Variants in PARD3B observed in about 807,000 individuals in gnomAD.
PARD3B encodes par-3 family cell polarity regulator beta, also known as partitioning defective 3 homolog B.
In PARD3B, 103 loss-of-function variants were observed where a neutral mutation model predicts 130.2. That is an observed-to-expected ratio of 0.79 (90% CI 0.67 to 0.93). PARD3B has a LOEUF of 0.93. Ranked by LOEUF, PARD3B falls within the 40% of genes least tolerant of loss-of-function variation. PARD3B has a pLI of 0.00. For synonymous variants in PARD3B, 583 were observed against 553.2 expected (o/e 1.05, Z -0.76); for missense variants, 1,609 against 1,499.2 (o/e 1.07, Z -1.21).
At chr2:205,279,826 C>A (rs532130035) in intron 16 of PARD3B, among the ~76,000 whole-genome samples, 3 of 152,150 alleles carry the variant, frequency 2.0e-5, no homozygotes, top group Non-Finnish European at 4.4e-5. Context: ...GAGAGAGGCA[C>A]GTTCTGGGAA....
rs186119079 is a variant in PARD3B, at chr2:205,442,588, G to A, written c.3044+1916G>A. Among the ~76,000 whole-genome samples, 299 of 152,156 alleles carry A rather than the reference G, an allele frequency of 2.0e-3. 3 individuals are homozygous for A. The highest frequency in any genetic ancestry group is 6.9e-3 in the African/African-American group (286 of 41,524). Reference sequence around the variant, plus strand: ...AGTGCTGGGATTTGAGGCATAAGCCGCCGGGCCTGGGAAGAACGGGTTTTC... The same window carrying A: ...AGTGCTGGGATTTGAGGCATAAGCCACCGGGCCTGGGAAGAACGGGTTTTC... On this transcript the variant is annotated intron_variant, in intron 20 of 22. Transcript: ENST00000406610.
At chr2:205,089,766 A>G (rs1195858667) in intron 4 of PARD3B, among the ~76,000 whole-genome samples, 1 of 152,224 alleles carries the variant, frequency 6.6e-6, no homozygotes, top group Non-Finnish European at 1.5e-5. Flanking sequence ...CCTAACCATT[A>G]CTGTTTCTGT....
At chr2:205,038,827 C>T (rs1698188587) in intron 3 of PARD3B, among the ~76,000 whole-genome samples, 1 of 152,158 alleles carries the variant, frequency 6.6e-6, no homozygotes, top group Non-Finnish European at 1.5e-5. Context: ...TGTCAGTTGA[C>T]TTGAACTTCC....
In PARD3B at chr2:205,176,666, G is replaced by A. The variant is rs1374591422; in HGVS notation, c.1924+89G>A. 3.1e-6 allele frequency: 4 copies of A among 1,304,592 alleles called. No individual in the cohort carries two copies. The East Asian group carries it at 1.1e-4, about 35-fold the overall frequency. The allele number at this position is 1,304,592 out of a possible 1,614,324, so 80.8% of individuals were successfully genotyped here. A position where few individuals can be genotyped will look rare whatever the true frequency, so the allele number is the denominator to read the frequency against. ...CTAAAAAAAAAAAAAAAGAGTAAAGGGGAGTTAATTAGACTAAGTGCAGAC... is the reference window on the plus strand; with the variant it reads ...CTAAAAAAAAAAAAAAAGAGTAAAGAGGAGTTAATTAGACTAAGTGCAGAC... On this transcript the variant is annotated intron_variant, in intron 13 of 22. Transcript: ENST00000406610. This position sits in a 1 kb window ranked among gnomAD's most constrained non-coding sequence, Gnocchi z 5.3.
rs1318950635 is a variant in PARD3B, at chr2:204,915,069, C to T, written c.223-50083C>T. Among the ~76,000 whole-genome samples the T allele has an allele frequency of 2.6e-5, 4 of 152,124 alleles. No individual in the cohort carries two copies. In the South Asian group the frequency reaches 6.2e-4, roughly 24 times the overall value. ...GGGAGGAGGACAGAGAAAATTGTTC[C>T]GCTGTTAATCTGCACCCTTACTGTA... is the stretch of plus-strand genomic sequence containing the variant. On this transcript the variant is annotated intron_variant, in intron 2 of 22. Coordinates refer to ENST00000406610, the MANE Select transcript of PARD3B (RefSeq NM_001302769.2).
chr2:204,780,656 C>T (rs890311164), intron 2 of PARD3B, among the ~76,000 whole-genome samples: 4 of 152,030 alleles, frequency 2.6e-5, no homozygotes, highest in East Asian at 1.9e-4. Context: ...TTAAGACTGC[C>T]ATTTGGTACA....
intron 18 of PARD3B, among the ~76,000 whole-genome samples, chr2:205,376,909 G>A (rs192758815): frequency 2.6e-5 from 4 of 152,208 alleles, no homozygotes; most frequent in Admixed American, 1.3e-4. Context: ...GTTTGTTGCC[G>A]TGTTTTGTTT....
intron 2 of PARD3B, among the ~76,000 whole-genome samples, chr2:204,707,643 C>T (rs1471256374): frequency 3.9e-5 from 6 of 151,974 alleles, no homozygotes; most frequent in African/African-American, 1.2e-4. Flanking sequence ...AACCTTTGTA[C>T]TGTATTTTCC....
chr2:205,593,618 C>T (rs988362215), intron 22 of PARD3B, among the ~76,000 whole-genome samples: 3 of 152,206 alleles, frequency 2.0e-5, no homozygotes, highest in African/African-American at 7.2e-5. Context: ...CAGTTAACTA[C>T]ATACATTCCT....
At chr2:205,149,691 G>A (rs2125692110) in intron 10 of PARD3B, among the ~76,000 whole-genome samples, 1 of 152,260 alleles carries the variant, frequency 6.6e-6, no homozygotes, top group Non-Finnish European at 1.5e-5. Flanking sequence ...CTGGGACTTG[G>A]AAACATATGA....
intron 15 of PARD3B, among the ~76,000 whole-genome samples, chr2:205,231,529 G>C (rs1250577254): frequency 6.7e-6 from 1 of 150,130 alleles, no homozygotes; most frequent in Non-Finnish European, 1.5e-5. Context: ...TAGAGATGGG[G>C]TTTTGCCATG....
At chr2:204,729,592 T>G (rs2039395751) in intron 2 of PARD3B, among the ~76,000 whole-genome samples, 1 of 152,322 alleles carries the variant, frequency 6.6e-6, no homozygotes, top group Non-Finnish European at 1.5e-5. Flanking sequence ...ATATTACAAC[T>G]TTGTTTCTTA....
At chr2:204,562,458 G>T (rs2031379339) in intron 1 of PARD3B, among the ~76,000 whole-genome samples, 1 of 152,208 alleles carries the variant, frequency 6.6e-6, no homozygotes, top group South Asian at 2.1e-4. Context: ...TACCTTATAT[G>T]TGTAATAGAG....
chr2:205,495,567 A>T (rs2049894476), intron 20 of PARD3B, among the ~76,000 whole-genome samples: 1 of 152,216 alleles, frequency 6.6e-6, no homozygotes, highest in Non-Finnish European at 1.5e-5. Flanking sequence ...CTATTTCTAG[A>T]ATCAGTGCTG....
chr2:204,817,093 A>C (rs1389416223), intron 2 of PARD3B, among the ~76,000 whole-genome samples: 1 of 152,010 alleles, frequency 6.6e-6, no homozygotes, highest in Admixed American at 6.6e-5. Flanking sequence ...TATATATTAC[A>C]TATCTATATT....
rs527564553 is a variant in PARD3B at position 205,045,552 on chromosome 2, T to A, written c.395-2029T>A. Among the ~76,000 whole-genome samples the A allele has an allele frequency of 3.3e-5, 5 of 152,164 alleles. No individual in the cohort carries two copies. The East Asian group carries it at 9.7e-4, about 29-fold the overall frequency. ...CGTGAGCCACTGCGTCTGGCATGAA[T>A]GCATATTATTATAAAATTATATCTT... On this transcript the variant is annotated intron_variant, in intron 3 of 22. Coordinates refer to ENST00000406610, the MANE Select transcript of PARD3B (RefSeq NM_001302769.2).
At chr2:204,700,836 G>GT (rs937848339) in intron 2 of PARD3B, among the ~76,000 whole-genome samples, 3 of 151,920 alleles carry the variant, frequency 2.0e-5, no homozygotes, top group Admixed American at 1.3e-4. Flanking sequence ...ACTTTTGTTT[G>GT]TTTTTTCCTT....
At chr2:205,320,660 C>T (rs1193675929) in intron 18 of PARD3B, among the ~76,000 whole-genome samples, 2 of 152,152 alleles carry the variant, frequency 1.3e-5, no homozygotes, top group South Asian at 2.1e-4. Flanking sequence ...ACAGCAGTCA[C>T]GCTGAAGTAT....
intron 20 of PARD3B, among the ~76,000 whole-genome samples, chr2:205,480,699 C>G (rs76515498): frequency 6.6e-6 from 1 of 152,286 alleles, no homozygotes; most frequent in South Asian, 2.1e-4. Flanking sequence ...ACAGCCTGAA[C>G]AGGACCTAGT....
Sources: allele counts gnomAD v4.1 joint callset (sites outside exome capture counted in the v4.1 genomes callset), GRCh38; gene constraint gnomAD v4.1.1; non-coding constraint Gnocchi (gnomAD v3.1); transcripts MANE v1.5; gene names NCBI Gene and HGNC (gene_info 2026-07-23, HGNC 2026-07-21).